SGCZ: variants seen among roughly 807,000 people sequenced by gnomAD.
SGCZ encodes zeta-sarcoglycan.
Under a neutral mutation model 41.3 loss-of-function variants are expected in SGCZ, and 40 were observed. The ratio of observed to expected loss-of-function variants is 0.97; its 90% confidence interval spans 0.75 to 1.26. The LOEUF (loss-of-function observed/expected upper bound fraction) is 1.26, where lower values mean the gene tolerates loss of function less well. Ranked by LOEUF, SGCZ falls within the 50% of genes most tolerant of loss-of-function variation. SGCZ has a pLI of 0.00. For synonymous variants in SGCZ, 206 were observed against 137.5 expected (o/e 1.50, Z -3.49); for missense variants, 552 against 369.8 (o/e 1.49, Z -4.04).
At position 14,956,009 on chromosome 8, in the gene SGCZ, G is replaced by C. The variant is rs977908413; in HGVS notation, c.39+281576C>G. On this transcript the variant is annotated intron_variant, in intron 1 of 7. Coordinates refer to ENST00000382080, the MANE Select transcript of SGCZ (RefSeq NM_139167.4). Reference sequence around the variant, plus strand: ...TTAATGCAATCGAAATTTATTTTTAGTGCTTAATGTAGGTAGGACACTACT... The same window carrying C: ...TTAATGCAATCGAAATTTATTTTTACTGCTTAATGTAGGTAGGACACTACT... Among the ~76,000 whole-genome samples, 9 of 147,260 alleles carry C rather than the reference G, an allele frequency of 6.1e-5. No homozygotes were observed. The East Asian group carries it at 1.8e-3, about 29-fold the overall frequency.
At chr8:15,134,915 C>G (rs904866680) in intron 1 of SGCZ, among the ~76,000 whole-genome samples, 4 of 152,050 alleles carry the variant, frequency 2.6e-5, no homozygotes, top group African/African-American at 9.7e-5. Flanking sequence ...CTTTCAACAT[C>G]TTAGTTTTTG....
chr8:14,771,811 T>C (rs1283950545), intron 1 of SGCZ, among the ~76,000 whole-genome samples: 2 of 152,116 alleles, frequency 1.3e-5, no homozygotes, highest in Non-Finnish European at 2.9e-5. Flanking sequence ...TGATAAATAA[T>C]TTGCATTGAA....
intron 2 of SGCZ, among the ~76,000 whole-genome samples, chr8:14,473,734 G>C (rs997318881): frequency 6.6e-6 from 1 of 151,938 alleles, no homozygotes; most frequent in Non-Finnish European, 1.5e-5. Flanking sequence ...TCAGGAGATC[G>C]AGACCAACTT....
intron 1 of SGCZ, among the ~76,000 whole-genome samples, chr8:14,638,138 A>T (rs914258866): frequency 2.0e-5 from 3 of 151,862 alleles, no homozygotes; most frequent in African/African-American, 7.2e-5. Context: ...CTACTTAACT[A>T]GTCAAGTTGA....
At chr8:15,108,492 A>T (rs1399967510) in intron 1 of SGCZ, among the ~76,000 whole-genome samples, 1 of 152,220 alleles carries the variant, frequency 6.6e-6, no homozygotes, top group Non-Finnish European at 1.5e-5. Context: ...GCATATATTT[A>T]TATATTCAGT....
intron 1 of SGCZ, among the ~76,000 whole-genome samples, chr8:15,153,358 C>A (rs1272768944): frequency 6.6e-6 from 1 of 152,098 alleles, no homozygotes; most frequent in East Asian, 1.9e-4. Context: ...GAATGTGCAC[C>A]TCATATTTAA....
intron 2 of SGCZ, among the ~76,000 whole-genome samples, chr8:14,427,230 A>G (rs1411255999): frequency 6.6e-6 from 1 of 152,124 alleles, no homozygotes; most frequent in Non-Finnish European, 1.5e-5. Context: ...ATAACTAATG[A>G]CTACTAGCCT....
intron 1 of SGCZ, among the ~76,000 whole-genome samples, chr8:14,824,029 G>GAA (rs141376205): frequency 1.9e-4 from 28 of 150,356 alleles, no homozygotes; most frequent in East Asian, 1.8e-3. Context: ...AATCTAAAGG[G>GAA]AAAAAAAAAG....
At chr8:14,573,675 C>T (rs147412993) in intron 1 of SGCZ, among the ~76,000 whole-genome samples, 3 of 152,056 alleles carry the variant, frequency 2.0e-5, no homozygotes, top group Non-Finnish European at 2.9e-5. Context: ...TCCCAATTTC[C>T]AGCATCAGTG....
chr8:14,736,875 G>T (rs1037677044), intron 1 of SGCZ, among the ~76,000 whole-genome samples: 6 of 151,794 alleles, frequency 4.0e-5, no homozygotes, highest in African/African-American at 1.5e-4. Flanking sequence ...CCACTACCGG[G>T]TATCTACCCA....
intron 1 of SGCZ, among the ~76,000 whole-genome samples, chr8:15,188,221 A>G (rs1423236190): frequency 6.6e-6 from 1 of 152,070 alleles, no homozygotes; most frequent in Non-Finnish European, 1.5e-5. Context: ...AATAAAATAA[A>G]TGCAAAGAAT....
intron 4 of SGCZ, among the ~76,000 whole-genome samples, chr8:14,177,675 A>ATTTTTTTTTTTTTTTTTTT (rs1193141913): frequency 5.4e-5 from 6 of 111,338 alleles, no homozygotes; most frequent in Non-Finnish European, 1.1e-4. Flanking sequence ...ACGCCCTGCT[A>ATTTTTTTTTTTTTTTTTTT]TTTTTTTTTT....
At chr8:15,181,018 C>T (rs1800159406) in intron 1 of SGCZ, among the ~76,000 whole-genome samples, 1 of 152,114 alleles carries the variant, frequency 6.6e-6, no homozygotes, top group Non-Finnish European at 1.5e-5. Context: ...CACATACAAA[C>T]TATTGCCATC....
At chr8:14,174,635 A>T (rs1804488269) in intron 4 of SGCZ, among the ~76,000 whole-genome samples, 1 of 152,140 alleles carries the variant, frequency 6.6e-6, no homozygotes, top group Admixed American at 6.5e-5. Flanking sequence ...CTGAGAAAAT[A>T]AAGATAAATT....
intron 3 of SGCZ, among the ~76,000 whole-genome samples, chr8:14,292,093 C>G (rs748986078): frequency 1.3e-5 from 2 of 151,934 alleles, no homozygotes; most frequent in Non-Finnish European, 2.9e-5. Flanking sequence ...AGGTAGATAT[C>G]AAAATTTAGT....
chr8:15,011,824 A>C (rs63324763), intron 1 of SGCZ, among the ~76,000 whole-genome samples: 2 of 151,494 alleles, frequency 1.3e-5, no homozygotes, highest in Non-Finnish European at 3.0e-5. Flanking sequence ...AAATTTGACA[A>C]AATTAATTAT....
chr8:14,313,930 G>C (rs954973977), intron 3 of SGCZ, among the ~76,000 whole-genome samples: 2 of 151,376 alleles, frequency 1.3e-5, no homozygotes, highest in East Asian at 2.0e-4. Context: ...GTGTGTGTGT[G>C]TGTGTGTGTG....
intron 2 of SGCZ, among the ~76,000 whole-genome samples, chr8:14,516,978 T>C (rs1056063955): frequency 6.6e-6 from 1 of 151,814 alleles, no homozygotes; most frequent in Non-Finnish European, 1.5e-5. Context: ...AACAAGAAAA[T>C]AGATACAAGG....
chr8:14,907,220 A>G (rs968386464), intron 1 of SGCZ, among the ~76,000 whole-genome samples: 12 of 152,082 alleles, frequency 7.9e-5, no homozygotes, highest in African/African-American at 2.7e-4. Flanking sequence ...TTTGGGACAG[A>G]GTCTTGCTCT....
Sources: gnomAD v4.1 joint callset for allele counts (sites outside exome capture counted in the v4.1 genomes callset) on GRCh38, gnomAD v4.1.1 for gene constraint, MANE v1.5 for transcripts, NCBI Gene and HGNC (gene_info 2026-07-23, HGNC 2026-07-21) for gene names.